Variants in TMEM132D observed in about 807,000 individuals in gnomAD.
TMEM132D encodes mature OL transmembrane protein.
TMEM132D carries 21 observed loss-of-function variants against 62.3 expected under a neutral mutation model. The ratio of observed to expected loss-of-function variants is 0.34; its 90% CI spans 0.24 to 0.49. TMEM132D has a LOEUF of 0.49. Among genes scored for constraint, TMEM132D ranks in the 20% least tolerant of loss-of-function variants. TMEM132D has a pLI of 0.99. For missense variants in TMEM132D, 1,346 were observed against 1,402.8 expected (o/e 0.96, Z 0.65); for synonymous variants, 621 against 575.6 (o/e 1.08, Z -1.13).
intron 4 of TMEM132D, among the ~76,000 whole-genome samples, chr12:129,328,915 G>T (rs1869009748): frequency 6.7e-6 from 1 of 150,352 alleles, no homozygotes; most frequent in Admixed American, 6.6e-5. Context: ...TGTGAAATGG[G>T]GATAATAGTC....
chr12:129,328,102 A>G (rs1868977491), intron 4 of TMEM132D, among the ~76,000 whole-genome samples: 1 of 152,204 alleles, frequency 6.6e-6, no homozygotes, highest in Admixed American at 6.5e-5. Flanking sequence ...TCCTGGAGCA[A>G]TGTCTGAGCT....
At chr12:129,461,712 G>C (rs564724471) in intron 3 of TMEM132D, among the ~76,000 whole-genome samples, 165 of 139,280 alleles carry the variant, frequency 1.2e-3, no homozygotes, top group African/African-American at 3.6e-3. Context: ...TAGGCGGGAA[G>C]GTAGGTAGAG....
intron 5 of TMEM132D, among the ~76,000 whole-genome samples, chr12:129,166,962 G>A (rs1374895726): frequency 2.0e-5 from 3 of 151,856 alleles, no homozygotes; most frequent in South Asian, 2.1e-4. Flanking sequence ...TCACGAGTTC[G>A]AGACCAACCT....
chr12:129,205,353 C>A (rs1593295347), intron 5 of TMEM132D, among the ~76,000 whole-genome samples: 2 of 115,500 alleles, frequency 1.7e-5, no homozygotes, highest in Non-Finnish European at 3.7e-5. Flanking sequence ...AGAAAAAAAG[C>A]AAGAGTTACA....
At chr12:129,538,376 CTTTATTCA>C (rs879899419) in intron 2 of TMEM132D, among the ~76,000 whole-genome samples, 3 of 152,160 alleles carry the variant, frequency 2.0e-5, no homozygotes, top group Non-Finnish European at 4.4e-5. Context: ...CCCCAGGAGG[CTTTATTCA>C]TATAGAGTAT....
At chr12:129,179,997 C>T (rs1298987989) in intron 5 of TMEM132D, among the ~76,000 whole-genome samples, 1 of 151,632 alleles carries the variant, frequency 6.6e-6, no homozygotes, top group East Asian at 1.9e-4. Flanking sequence ...CACAGCACTC[C>T]AGCCTGGGCC....
rs139615761 is a variant in TMEM132D, at chr12:129,456,688, G to C, written c.1115+74371C>G. Among the ~76,000 whole-genome samples, 153 of 152,352 alleles carry C rather than the reference G, an allele frequency of 1.0e-3. 1 individual carries two copies. The highest frequency in any genetic ancestry group is 3.5e-3 in the African/African-American group (144 of 41,586). On this transcript the variant is annotated intron_variant, in intron 3 of 8. Transcript: ENST00000422113. ...TGCTCTCTTTTACCCATAAACGGCA[G>C]ATGGAACTGTTTGTTTCTCTATTGA...
intron 3 of TMEM132D, among the ~76,000 whole-genome samples, chr12:129,518,171 GAA>G (rs953326911): frequency 3.1e-4 from 44 of 140,770 alleles, no homozygotes; most frequent in African/African-American, 8.8e-4. Context: ...ATAGTTGAAG[GAA>G]ATGCATAGTT....
At chr12:129,466,033 A>G (rs1278066031) in intron 3 of TMEM132D, among the ~76,000 whole-genome samples, 1 of 152,198 alleles carries the variant, frequency 6.6e-6, no homozygotes, top group Admixed American at 6.5e-5. Context: ...ACGGCACAGG[A>G]TTAATGTAAA....
chr12:129,223,151 G>C (rs1261712774), intron 4 of TMEM132D, among the ~76,000 whole-genome samples: 1 of 151,972 alleles, frequency 6.6e-6, no homozygotes, highest in Non-Finnish European at 1.5e-5. Flanking sequence ...GTGGAGTCTG[G>C]TTTTCTCCCC....
intron 1 of TMEM132D, chr12:129,854,619 C>A: frequency 6.6e-6 from 1 of 152,214 alleles, no homozygotes; most frequent in Non-Finnish European, 1.5e-5. Flanking sequence ...TGAGGAAACT[C>A]TTTTCTCCCC....
chr12:129,130,477 T>G (rs1361875604), intron 5 of TMEM132D, among the ~76,000 whole-genome samples: 1 of 152,144 alleles, frequency 6.6e-6, no homozygotes. Flanking sequence ...AATGCCCTAG[T>G]GCTAACCACC....
intron 2 of TMEM132D, among the ~76,000 whole-genome samples, chr12:129,680,559 C>T (rs760915717): frequency 4.6e-5 from 7 of 152,066 alleles, no homozygotes; most frequent in Admixed American, 1.3e-4. Flanking sequence ...CAATGACAAG[C>T]CCAGTGATTG....
intron 1 of TMEM132D, among the ~76,000 whole-genome samples, chr12:129,726,440 C>T (rs188669428): frequency 6.6e-6 from 1 of 152,132 alleles, no homozygotes; most frequent in East Asian, 1.9e-4. Context: ...GAGGCAGGAA[C>T]AGCCTCAGCT....
At chr12:129,463,764 G>A (rs1873772283) in intron 3 of TMEM132D, among the ~76,000 whole-genome samples, 1 of 152,012 alleles carries the variant, frequency 6.6e-6, no homozygotes, top group Non-Finnish European at 1.5e-5. Context: ...TGAGAATGAT[G>A]GTTTCCAGCT....
chr12:129,888,995 G>A (rs1461098260), intron 1 of TMEM132D, among the ~76,000 whole-genome samples: 2 of 152,150 alleles, frequency 1.3e-5, no homozygotes, highest in African/African-American at 4.8e-5. Context: ...ATAAGAGGCA[G>A]GCCCAGAGCT....
chr12:129,638,522 AAT>A (rs869059137), intron 2 of TMEM132D, among the ~76,000 whole-genome samples: 2 of 22,820 alleles, frequency 8.8e-5, no homozygotes, highest in African/African-American at 2.9e-4. Flanking sequence ...AATATATATA[AAT>A]ATATAAACAT....
chr12:129,077,721 C>T (rs1046161509), intron 8 of TMEM132D, among the ~76,000 whole-genome samples: 4 of 151,186 alleles, frequency 2.6e-5, no homozygotes, highest in African/African-American at 7.4e-5. Context: ...ATACAAACAA[C>T]AAATAGACAC....
intron 1 of TMEM132D, among the ~76,000 whole-genome samples, chr12:129,746,768 T>C: frequency 6.6e-6 from 1 of 151,552 alleles, no homozygotes. Context: ...CTAAGGAAGG[T>C]TTTCTCTGCA....
Sources: gnomAD v4.1 joint callset for allele counts (sites outside exome capture counted in the v4.1 genomes callset) on GRCh38, gnomAD v4.1.1 for gene constraint, MANE v1.5 for transcripts, NCBI Gene and HGNC (gene_info 2026-07-23, HGNC 2026-07-21) for gene names.